The following ATP8B1 variants were observed in gnomAD, a reference collection of about 807,000 sequenced individuals.
ATP8B1 encodes ATPase phospholipid transporting 8B1, also known as phospholipid-transporting ATPase IC.
Under a neutral mutation model 149.9 loss-of-function variants are expected in ATP8B1, and 80 were observed. The ratio of observed to expected loss-of-function variants is 0.53; its 90% CI spans 0.45 to 0.64. ATP8B1 has a LOEUF of 0.64. Ranked by LOEUF, ATP8B1 falls within the 30% of genes least tolerant of loss-of-function variation. The pLI is 0.00. For missense variants in ATP8B1, 1,247 were observed against 1,552.6 expected (o/e 0.80, Z 3.31); for synonymous variants, 536 against 562.8 (o/e 0.95, Z 0.67).
intron 20 of ATP8B1, among the ~76,000 whole-genome samples, chr18:57,666,490 C>T (rs917026217): frequency 2.7e-5 from 4 of 150,408 alleles, no homozygotes; most frequent in Non-Finnish European, 5.9e-5. Context: ...AATTTGCTAG[C>T]GATATTACAG....
chr18:57,654,191 A>G, intron 23 of ATP8B1, 116 bp from the exon 24 acceptor site: 1 of 963,038 alleles, frequency 1.0e-6, no homozygotes, highest in Non-Finnish European at 1.6e-6. Flanking sequence ...GTTTTAATAG[A>G]GATGGGGGTC....
intron 14 of ATP8B1, 90 bp downstream of exon 14, chr18:57,684,982 G>GGAA: frequency 6.6e-7 from 1 of 1,506,964 alleles, no homozygotes; most frequent in South Asian, 1.1e-5. Context: ...CAACGAAAGA[G>GGAA]TCTTCCCTAG....
intron 1 of ATP8B1, among the ~76,000 whole-genome samples, chr18:57,741,258 G>A (rs755842139): frequency 3.9e-5 from 6 of 152,114 alleles, no homozygotes; most frequent in Admixed American, 6.6e-5. Context: ...CTAACCAATA[G>A]AATATGGCGC....
At chr18:57,686,715 G>A (rs575536161) in intron 13 of ATP8B1, among the ~76,000 whole-genome samples, 88 of 152,054 alleles carry the variant, frequency 5.8e-4, no homozygotes, top group Admixed American at 1.8e-3. Flanking sequence ...CACTGTGCCC[G>A]GCCAGAGATG....
Position 57,672,447 on chromosome 18 carries a change from G to A in ATP8B1, c.1820-867C>T, listed in dbSNP as rs144867277. Among the ~76,000 whole-genome samples the A allele has an allele frequency of 1.1e-3, 168 of 152,318 alleles. 1 individual carries two copies. The highest frequency in any genetic ancestry group is 2.5e-3 in the Admixed American group (38 of 15,290). On this transcript the variant is annotated intron_variant, in intron 16 of 27. Coordinates refer to ENST00000648908, the MANE Select transcript of ATP8B1 (RefSeq NM_001374385.1). ...AGCGTTCAGTAAGTGTGCCTAAGGA[G>A]GGTGTAATAGTTAAACCTGTATATT...
chr18:57,717,547 C>CAAAAAAAAAAA (rs1163024544), intron 2 of ATP8B1, among the ~76,000 whole-genome samples: 1 of 19,928 alleles, frequency 5.0e-5, no homozygotes, highest in African/African-American at 2.5e-4. Context: ...GACTCTGTCT[C>CAAAAAAAAAAA]AAAAAAAAAA....
At chr18:57,685,986 G>A (rs28468983) in intron 13 of ATP8B1, among the ~76,000 whole-genome samples, 3,984 of 149,422 alleles carry the variant, frequency 0.027, 153 homozygotes, top group African/African-American at 0.092. Flanking sequence ...GGTGGCTCAC[G>A]CCTGTAACCC....
intron 15 of ATP8B1, among the ~76,000 whole-genome samples, chr18:57,678,321 C>T (rs983437543): frequency 2.0e-5 from 3 of 152,120 alleles, no homozygotes; most frequent in African/African-American, 7.2e-5. Flanking sequence ...GGCACGGTGG[C>T]TCACACCTGT....
At chr18:57,702,684 G>A (rs1023009651) in intron 4 of ATP8B1, among the ~76,000 whole-genome samples, 4 of 151,948 alleles carry the variant, frequency 2.6e-5, no homozygotes, top group Admixed American at 2.0e-4. Flanking sequence ...ATAGAGAAAC[G>A]CCGTCTCTAC....
chr18:57,699,660 G>T (rs1273641806), intron 6 of ATP8B1, among the ~76,000 whole-genome samples: 2 of 152,146 alleles, frequency 1.3e-5, no homozygotes, highest in African/African-American at 2.4e-5. Context: ...GGCGGAGCTT[G>T]CAGTGAGCGG....
chr18:57,669,706 G>A (rs1349439877), intron 17 of ATP8B1, among the ~76,000 whole-genome samples: 1 of 151,952 alleles, frequency 6.6e-6, no homozygotes, highest in Non-Finnish European at 1.5e-5. Flanking sequence ...CTGGGATGCA[G>A]TGATGCAATC....
At chr18:57,761,090 TAAA>T (rs1325557195) in intron 1 of ATP8B1, among the ~76,000 whole-genome samples, 1 of 137,524 alleles carries the variant, frequency 7.3e-6, no homozygotes, top group South Asian at 2.2e-4. Context: ...TAAAATAAAA[TAAA>T]ATAAAAAATA....
chr18:57,715,417 G>A (rs894538228), intron 2 of ATP8B1, among the ~76,000 whole-genome samples: 1 of 152,160 alleles, frequency 6.6e-6, no homozygotes, highest in Admixed American at 6.6e-5. Context: ...TGGCATTAAA[G>A]TGGAGGTAGA....
At chr18:57,682,194 T>C (rs1912014638) in intron 15 of ATP8B1, among the ~76,000 whole-genome samples, 1 of 152,038 alleles carries the variant, frequency 6.6e-6, no homozygotes, top group Non-Finnish European at 1.5e-5. Flanking sequence ...TTAGTAGAGA[T>C]GGGGTTTCAC....
intron 1 of ATP8B1, among the ~76,000 whole-genome samples, chr18:57,785,583 G>A (rs2080399535): frequency 6.6e-6 from 1 of 152,198 alleles, no homozygotes; most frequent in South Asian, 2.1e-4. Context: ...TCAGCTCTCT[G>A]CAAGCTCCAC....
chr18:57,679,853 T>TG (rs1232537601), intron 15 of ATP8B1, among the ~76,000 whole-genome samples: 1 of 151,930 alleles, frequency 6.6e-6, no homozygotes. Flanking sequence ...TTAGTAGAGG[T>TG]GGGGTTTCAC....
chr18:57,732,159 A>ATG (rs1568044002), intron 1 of ATP8B1: 11 of 127,230 alleles, frequency 8.6e-5, no homozygotes, highest in African/African-American at 3.1e-4. Flanking sequence ...ATATGTATAT[A>ATG]TATGTATATA....
chr18:57,786,650 A>T (rs1311678413), intron 1 of ATP8B1, among the ~76,000 whole-genome samples: 1 of 152,236 alleles, frequency 6.6e-6, no homozygotes, highest in African/African-American at 2.4e-5. Flanking sequence ...ACAAAGGAAG[A>T]GTCCCTCACT....
chr18:57,649,237 T>A (rs1328785486), intron 27 of ATP8B1, among the ~76,000 whole-genome samples: 1 of 151,852 alleles, frequency 6.6e-6, no homozygotes, highest in Non-Finnish European at 1.5e-5. Flanking sequence ...CATATATATA[T>A]GATGATATAA....
Sources: gnomAD v4.1 joint callset for allele counts (sites outside exome capture counted in the v4.1 genomes callset) on GRCh38, gnomAD v4.1.1 for gene constraint, MANE v1.5 for transcripts, NCBI Gene and HGNC (gene_info 2026-07-23, HGNC 2026-07-21) for gene names.